Variants in ZNF365 observed in about 807,000 individuals in gnomAD.
ZNF365 encodes the protein zinc finger protein 365.
ZNF365 carries 22 observed loss-of-function variants against 35.0 expected under a neutral mutation model. The observed-to-expected ratio is 0.63, with a 90% CI of 0.45 to 0.90. The LOEUF is 0.90. Ranked by LOEUF, ZNF365 falls within the 40% of genes least tolerant of loss-of-function variation. The pLI is 0.00. For synonymous variants in ZNF365, 188 were observed against 196.2 expected (o/e 0.96, Z 0.35); for missense variants, 448 against 500.3 (o/e 0.90, Z 1.00).
chr10:62,400,210 AG>A lies in ZNF365; in HGVS notation c.*422del. 1.0e-6 allele frequency: 1 copy of A among 997,944 alleles called. No homozygotes were observed. The highest frequency in any genetic ancestry group is 1.2e-6 in the Non-Finnish European group (1 of 836,818). The allele number at this position is 997,944 out of a possible 1,614,324, so 61.8% of individuals were successfully genotyped here. A position where few individuals can be genotyped will look rare whatever the true frequency, so the allele number is the denominator to read the frequency against. The stretch of plus-strand genomic sequence containing the variant: ...TGCGAGGCAAGGAATGGCAGTGTAA[AG>A]TTCTGTTAATAGCAGTAAAATGAAA... On this transcript the variant is annotated 3_prime_UTR_variant, in exon 5 of 5. Coordinates refer to ENST00000395254, the MANE Select transcript of ZNF365 (RefSeq NM_014951.3).
chr10:62,473,078 C>G (rs1170978959), intron 4 of ZNF365, among the ~76,000 whole-genome samples: 1 of 152,170 alleles, frequency 6.6e-6, no homozygotes, highest in African/African-American at 2.4e-5. Context: ...GGGAAAGGGA[C>G]CATTCATTCA....
At chr10:62,446,296 C>T (rs1266156295) in intron 3 of ZNF365, among the ~76,000 whole-genome samples, 1 of 147,044 alleles carries the variant, frequency 6.8e-6, no homozygotes, top group Non-Finnish European at 1.5e-5. Flanking sequence ...AAAGCACCAT[C>T]TCTGACTTTG....
Position 62,402,285 on chromosome 10 carries a change from A to G in ZNF365, c.*2496A>G. 1 of 985,600 alleles carries G rather than the reference A, an allele frequency of 1.0e-6. No individual in the cohort carries two copies. The highest frequency in any genetic ancestry group is 1.2e-6 in the Non-Finnish European group (1 of 829,892). The allele number at this position is 985,600 out of a possible 1,614,324, so 61.1% of individuals were successfully genotyped here. A position where few individuals can be genotyped will look rare whatever the true frequency, so the allele number is the denominator to read the frequency against. ...TTTCTTGCTTTTTCCCTTTTTCCCA[A>G]ACTAGGTTACAGGTTCTTATCTGCA... On this transcript the variant is annotated 3_prime_UTR_variant, in exon 5 of 5. Coordinates refer to ENST00000395254, the MANE Select transcript of ZNF365 (RefSeq NM_014951.3).
chr10:62,376,939 A>G lies in ZNF365; in HGVS notation c.743+3A>G, dbSNP rs774141766. Reference sequence around the variant, plus strand: ...GAGGAGCTTCTTAGGAAAGAAGAGTAAGTGTTGCTGACAGGGGATGCTAAC... The same window carrying G: ...GAGGAGCTTCTTAGGAAAGAAGAGTGAGTGTTGCTGACAGGGGATGCTAAC... On this transcript the variant is annotated splice_donor_region_variant and intron_variant, in intron 2 of 4. Transcript: ENST00000395254. 3.1e-6 allele frequency: 5 copies of G among 1,595,338 alleles called. No individual in the cohort carries two copies. The South Asian group carries it at 3.3e-5, about 11-fold the overall frequency.
chr10:62,401,663 G>A lies in ZNF365; in HGVS notation c.*1874G>A. ...TATTATTGATGCTTATACCATGATT[G>A]CACCTTAGCCTTTTACATACTAAAA... On this transcript the variant is annotated 3_prime_UTR_variant, in exon 5 of 5. Coordinates refer to ENST00000395254, the MANE Select transcript of ZNF365 (RefSeq NM_014951.3). The A allele has an allele frequency of 1.0e-5, 10 of 985,460 alleles. No homozygotes were observed. Among genetic ancestry groups the A allele is most frequent in the African/African-American group, 1.7e-5 (1 of 57,342 alleles). 61.0% of individuals were successfully genotyped at this position (985,460 alleles called of 1,614,324 possible). A position where few individuals can be genotyped will look rare whatever the true frequency, so the allele number is the denominator to read the frequency against.
chr10:62,446,353 T>C (rs1007136228), intron 3 of ZNF365, among the ~76,000 whole-genome samples: 2 of 152,194 alleles, frequency 1.3e-5, no homozygotes, highest in Non-Finnish European at 2.9e-5. Context: ...GGGCAGATTG[T>C]TCAACTTCTG....
At chr10:62,404,355 TA>T (rs1374159831), downstream of ZNF365, among the ~76,000 whole-genome samples, 10 of 152,242 alleles carry the variant, frequency 6.6e-5, no homozygotes, top group African/African-American at 2.4e-4. Flanking sequence ...CTGCAAAAGA[TA>T]TTACTGAGAT....
At chr10:62,470,990 A>AT (rs11297672) in intron 4 of ZNF365, among the ~76,000 whole-genome samples, 112 of 146,446 alleles carry the variant, frequency 7.6e-4, no homozygotes, top group South Asian at 7.5e-3. Flanking sequence ...TTGTTCATGC[A>AT]TTTTTTTTTT....
At position 62,428,105 on chromosome 10, in the gene ZNF365, C is replaced by T. The variant is rs143808491; in HGVS notation, c.925-31636C>T. On this transcript the variant is annotated intron_variant, in intron 3 of 4. Transcript: ENST00000395255. ...TAGTGTTGATCCTACGTGATTAATT[C>T]CCTGCGTGTCAGGACACAAATATTA... Among the ~76,000 whole-genome samples, 720 of 152,180 alleles carry T rather than the reference C, an allele frequency of 4.7e-3. 1 individual carries two copies. Among genetic ancestry groups the T allele is most frequent in the African/African-American group, 0.017 (689 of 41,500 alleles).
chr10:62,464,509 T>A (rs1840900663), intron 4 of ZNF365, among the ~76,000 whole-genome samples: 1 of 152,212 alleles, frequency 6.6e-6, no homozygotes, highest in Non-Finnish European at 1.5e-5. Context: ...AGTAAATAGT[T>A]GTTGAATGAA....
chr10:62,469,242 T>A (rs1425464399), intron 4 of ZNF365, among the ~76,000 whole-genome samples: 1 of 152,106 alleles, frequency 6.6e-6, no homozygotes. Context: ...TTCACCAGAG[T>A]CCCTCTCCAC....
chr10:62,480,144 A>G, exon 5 of ZNF365: 1 of 1,285,462 alleles, frequency 7.8e-7, no homozygotes, highest in Non-Finnish European at 9.9e-7. Context: ...CCCACCCCTC[A>G]TGCTTTGAGT....
chr10:62,477,961 C>T (rs1841159902), intron 4 of ZNF365, among the ~76,000 whole-genome samples: 1 of 152,214 alleles, frequency 6.6e-6, no homozygotes, highest in African/African-American at 2.4e-5. Flanking sequence ...CAAACTCTCA[C>T]AGTCCACCTT....
At chr10:62,388,965 A>G (rs994241867) in intron 3 of ZNF365, among the ~76,000 whole-genome samples, 1 of 152,218 alleles carries the variant, frequency 6.6e-6, no homozygotes, top group African/African-American at 2.4e-5. Context: ...TACGAAATTC[A>G]GTAAAGTAAG....
At chr10:62,455,519 C>A (rs1218550623) in intron 3 of ZNF365, among the ~76,000 whole-genome samples, 3 of 151,768 alleles carry the variant, frequency 2.0e-5, no homozygotes, top group Non-Finnish European at 4.4e-5. Flanking sequence ...ATCCCATGAA[C>A]TGGAGCTGAG....
At chr10:62,457,293 G>C (rs762005712) in intron 3 of ZNF365, among the ~76,000 whole-genome samples, 1 of 152,230 alleles carries the variant, frequency 6.6e-6, no homozygotes, top group Non-Finnish European at 1.5e-5. Context: ...CCATGAAAGT[G>C]AGAAGGAGGC....
chr10:62,444,848 A>G (rs908105236), intron 3 of ZNF365, among the ~76,000 whole-genome samples: 1 of 152,090 alleles, frequency 6.6e-6, no homozygotes, highest in Non-Finnish European at 1.5e-5. Context: ...ATATGTATAC[A>G]TGTGCCATGC....
chr10:62,381,905 A>G (rs993944936), intron 2 of ZNF365, among the ~76,000 whole-genome samples: 1 of 152,212 alleles, frequency 6.6e-6, no homozygotes, highest in Non-Finnish European at 1.5e-5. Flanking sequence ...GCCTAAAGCC[A>G]TGCAGAAGAC....
chr10:62,462,928 A>G (rs1840871570), intron 4 of ZNF365, among the ~76,000 whole-genome samples: 1 of 152,214 alleles, frequency 6.6e-6, no homozygotes, highest in South Asian at 2.1e-4. Flanking sequence ...ATGTCCCATG[A>G]AAATACATTT....
Sources: allele counts gnomAD v4.1 joint callset (sites outside exome capture counted in the v4.1 genomes callset), GRCh38; gene constraint gnomAD v4.1.1; transcripts MANE v1.5; gene names NCBI Gene and HGNC (gene_info 2026-07-23, HGNC 2026-07-21).